Variants in CADPS2 observed in about 807,000 individuals in gnomAD.
The protein encoded by CADPS2 is calcium dependent secretion activator 2, also known as calcium-dependent secretion activator 2.
In CADPS2, 93 loss-of-function variants were observed where a neutral mutation model predicts 172.5. That is an observed-to-expected ratio of 0.54 (90% CI 0.46 to 0.64). The LOEUF is 0.64. Ranked by LOEUF, CADPS2 falls within the 30% of genes least tolerant of loss-of-function variation. The probability of loss-of-function intolerance (pLI) is 0.00; values close to 1 mark genes in which losing one functional copy is unlikely to be tolerated. For synonymous variants in CADPS2, 546 were observed against 555.2 expected, an observed-to-expected ratio of 0.98 and a Z score of 0.23; for missense variants, 1,420 against 1,565.9, an observed-to-expected ratio of 0.91 and a Z score of 1.57.
chr7:122,707,443 G>A (rs1357882484), intron 2 of CADPS2, among the ~76,000 whole-genome samples: 1 of 151,882 alleles, frequency 6.6e-6, no homozygotes. Flanking sequence ...CACACTTCCA[G>A]AAATCTCTAC....
intron 8 of CADPS2, among the ~76,000 whole-genome samples, chr7:122,528,555 C>G (rs11769986): frequency 2.0e-5 from 3 of 151,854 alleles, no homozygotes; most frequent in Non-Finnish European, 4.4e-5. Context: ...AGCCAGTAGT[C>G]ATAAAGAATC....
chr7:122,744,222 T>TGAAGATGG (rs2092623034), intron 1 of CADPS2, among the ~76,000 whole-genome samples: 2 of 152,208 alleles, frequency 1.3e-5, no homozygotes, highest in Non-Finnish European at 2.9e-5. Context: ...AAGTTTCACC[T>TGAAGATGG]TGATTCATGA....
intron 28 of CADPS2, among the ~76,000 whole-genome samples, chr7:122,333,375 T>C (rs1420803926): frequency 6.6e-6 from 1 of 152,188 alleles, no homozygotes; most frequent in Non-Finnish European, 1.5e-5. Context: ...TGGGACACAT[T>C]CCAAAATCTT....
intron 6 of CADPS2, among the ~76,000 whole-genome samples, chr7:122,598,108 A>G (rs1461398109): frequency 6.6e-6 from 1 of 151,982 alleles, no homozygotes; most frequent in African/African-American, 2.4e-5. Context: ...TTTTCTAGCA[A>G]TTGTTTTGTG....
rs1052560114 is a variant in CADPS2 at position 122,627,416 on chromosome 7, A to G, written c.867+1832T>C. ...TCATCAAAAGGTATCCTATTTTTAG[A>G]GGTATATTTTGCTTTCCAACCCCAT... On this transcript the variant is annotated intron_variant, in intron 4 of 29. Coordinates refer to ENST00000449022, the MANE Select transcript of CADPS2 (RefSeq NM_017954.11). Among the ~76,000 whole-genome samples, 4 of 152,288 alleles carry G rather than the reference A, an allele frequency of 2.6e-5. No individual in the cohort carries two copies. In the South Asian group the frequency reaches 8.3e-4, roughly 32 times the overall value.
chr7:122,732,417 T>C (rs1485630272), intron 2 of CADPS2, among the ~76,000 whole-genome samples: 1 of 150,858 alleles, frequency 6.6e-6, no homozygotes, highest in African/African-American at 2.4e-5. Flanking sequence ...ATAAAAATCA[T>C]TCAAGAAATA....
intron 1 of CADPS2, among the ~76,000 whole-genome samples, chr7:122,829,260 A>G (rs1166048581): frequency 6.6e-6 from 1 of 152,154 alleles, no homozygotes; most frequent in Admixed American, 6.5e-5. Flanking sequence ...CACATTTTAA[A>G]GTAATATATA....
chr7:122,620,470 A>G (rs1008600230), intron 5 of CADPS2, among the ~76,000 whole-genome samples: 46 of 152,164 alleles, frequency 3.0e-4, no homozygotes, highest in Admixed American at 2.6e-3. Context: ...CCACAGACAT[A>G]TAACTAGATA....
intron 1 of CADPS2, among the ~76,000 whole-genome samples, chr7:122,740,332 A>G (rs561024948): frequency 6.6e-6 from 1 of 152,322 alleles, no homozygotes; most frequent in African/African-American, 2.4e-5. Flanking sequence ...TGAATGGATA[A>G]ACTCGGGTAC....
At chr7:122,352,671 C>G (rs1196658485) in intron 27 of CADPS2, among the ~76,000 whole-genome samples, 1 of 152,190 alleles carries the variant, frequency 6.6e-6, no homozygotes, top group Non-Finnish European at 1.5e-5. Flanking sequence ...TCCCCGAGTT[C>G]TGTCTGGCTC....
At chr7:122,489,992 T>C (rs939371702) in intron 11 of CADPS2, 89 bp downstream of exon 11, 11 of 1,065,702 alleles carry the variant, frequency 1.0e-5, no homozygotes, top group African/African-American at 1.6e-5. Flanking sequence ...ATTAATGATG[T>C]AAACTATAAT....
Position 122,886,452 on chromosome 7 carries a change from A to C in CADPS2, c.-115T>G. The C allele has an allele frequency of 1.5e-6, 2 of 1,359,530 alleles. No homozygotes were observed. Among genetic ancestry groups the C allele is most frequent in the South Asian group, 1.6e-5 (1 of 62,608 alleles). The allele number at this position is 1,359,530 out of a possible 1,614,324, so 84.2% of individuals were successfully genotyped here. Reference sequence around the variant, plus strand: ...CTGGCTGCAGCGGCCGCAGAACGAAAGGAAAACTGGCCAGGGCTTTCCGGA... The same window carrying C: ...CTGGCTGCAGCGGCCGCAGAACGAACGGAAAACTGGCCAGGGCTTTCCGGA... On this transcript the variant is annotated 5_prime_UTR_variant, in exon 1 of 30. Coordinates refer to ENST00000449022, the MANE Select transcript of CADPS2 (RefSeq NM_017954.11).
At chr7:122,569,841 G>C (rs1299479275) in intron 7 of CADPS2, among the ~76,000 whole-genome samples, 3 of 144,052 alleles carry the variant, frequency 2.1e-5, no homozygotes, top group Non-Finnish European at 4.5e-5. Context: ...GGAGAAAGCT[G>C]AAACTGGATC....
In CADPS2 at chr7:122,527,617, A is replaced by AGAGAGAGAGTGTGTGT; in HGVS notation, c.1476-14303_1476-14302insACACACACTCTCTCTC. Among the ~76,000 whole-genome samples the AGAGAGAGAGTGTGTGT allele has an allele frequency of 2.0e-3, 167 of 83,854 alleles. 1 individual carries two copies. The highest frequency in any genetic ancestry group is 3.4e-3 in the Non-Finnish European group (129 of 38,312). 55.0% of individuals were successfully genotyped at this position (83,854 alleles called of 152,430 possible). ...GAGAGAGAGAGAGAGAGAGAGAGAGAGTGTGTGTGTGTGTGTGTGTGTGTG... is the reference window on the plus strand; with the variant it reads ...GAGAGAGAGAGAGAGAGAGAGAGAGAGAGAGAGAGTGTGTGTGTGTGTGTGTGTGTGTGTGTGTGTG... On this transcript the variant is annotated intron_variant, in intron 8 of 29. Coordinates refer to ENST00000449022, the MANE Select transcript of CADPS2 (RefSeq NM_017954.11).
At chr7:122,661,789 C>T (rs888195389) in intron 3 of CADPS2, among the ~76,000 whole-genome samples, 1 of 152,140 alleles carries the variant, frequency 6.6e-6, no homozygotes, top group East Asian at 1.9e-4. Context: ...TTGAATAAAG[C>T]TCAACAAATA....
In CADPS2 at chr7:122,649,898, A is replaced by ATTTTTTTTTTTTTTTT. The variant is rs71531909; in HGVS notation, c.786+13323_786+13338dup. Reference sequence around the variant, plus strand: ...TGACATTTTTCTTAAGTATTCAATGATTTTTTTTTTTTTTTTTTTTTTTTT... The same window carrying ATTTTTTTTTTTTTTTT: ...TGACATTTTTCTTAAGTATTCAATGATTTTTTTTTTTTTTTTTTTTTTTTTTTTTTTTTTTTTTTTT... On this transcript the variant is annotated intron_variant, in intron 3 of 29. Coordinates refer to ENST00000449022, the MANE Select transcript of CADPS2 (RefSeq NM_017954.11). Among the ~76,000 whole-genome samples the ATTTTTTTTTTTTTTTT allele has an allele frequency of 5.2e-3, 271 of 52,016 alleles. 65 individuals carry two copies. The highest frequency in any genetic ancestry group is 0.011 in the East Asian group (14 of 1,272). The allele number at this position is 52,016 out of a possible 152,430, so 34.1% of individuals were successfully genotyped here. A position where few individuals can be genotyped will look rare whatever the true frequency, so the allele number is the denominator to read the frequency against.
At chr7:122,805,512 T>C (rs1472940929) in intron 1 of CADPS2, among the ~76,000 whole-genome samples, 3 of 152,190 alleles carry the variant, frequency 2.0e-5, no homozygotes, top group Admixed American at 1.3e-4. Flanking sequence ...TAGGTCCAGA[T>C]GAGTAAGGTT....
chr7:122,551,177 TATTTC>T (rs1266282512), intron 8 of CADPS2, among the ~76,000 whole-genome samples: 1 of 152,122 alleles, frequency 6.6e-6, no homozygotes, highest in Non-Finnish European at 1.5e-5. Flanking sequence ...AAACACCATT[TATTTC>T]ATTTATTTTA....
intron 12 of CADPS2, among the ~76,000 whole-genome samples, chr7:122,474,937 A>G (rs1250311693): frequency 6.6e-6 from 1 of 152,186 alleles, no homozygotes; most frequent in Non-Finnish European, 1.5e-5. Flanking sequence ...TTGAACACAC[A>G]TGCTTCAGCT....
Sources: gnomAD v4.1 joint callset for allele counts (sites outside exome capture counted in the v4.1 genomes callset) on GRCh38, gnomAD v4.1.1 for gene constraint, MANE v1.5 for transcripts, NCBI Gene and HGNC (gene_info 2026-07-23, HGNC 2026-07-21) for gene names.